Variants in STAG3 observed in about 807,000 individuals in gnomAD.
The protein encoded by STAG3 is STAG3 cohesin complex component.
Under a neutral mutation model 160.7 loss-of-function variants are expected in STAG3, and 101 were observed. The observed-to-expected ratio is 0.63, with a 90% CI of 0.54 to 0.74. The LOEUF is 0.74. STAG3 is among the 30% of genes least tolerant of loss of function. STAG3 has a pLI of 0.00. For synonymous variants in STAG3, 519 were observed against 585.0 expected (o/e 0.89, Z 1.63); for missense variants, 1,188 against 1,517.4 (o/e 0.78, Z 3.61).
rs765661190 is a variant in STAG3 at position 100,182,732 on chromosome 7, C to A, written c.229C>A (p.His77Asn). 3 of 1,613,516 alleles carry A rather than the reference C, an allele frequency of 1.9e-6. No individual in the cohort carries two copies. Among genetic ancestry groups the A allele is most frequent in the South Asian group, 2.2e-5 (2 of 91,036 alleles). The stretch of plus-strand genomic sequence containing the variant: ...TTTTTATACATATTAGGTGGCAAAA[C>A]ATCCAAAGAAAGGGTCCCGAGTGGT... ...RPPKTTPVAKHPKKGSRVVHR... is the reference protein window; with the variant it reads ...RPPKTTPVAKNPKKGSRVVHR... The change falls in exon 4 of 34, where the codon CAT (histidine) becomes AAT (asparagine). Residue 77 changes from histidine to asparagine, a missense_variant. Transcript: ENST00000615138.
At position 100,211,132 on chromosome 7, in the gene STAG3, G is replaced by A; in HGVS notation, c.3360G>A (p.Trp1120Ter). The A allele has an allele frequency of 6.2e-7, 1 of 1,607,316 alleles. No individual in the cohort carries two copies. The highest frequency in any genetic ancestry group is 8.5e-7 in the Non-Finnish European group (1 of 1,177,146). The change falls in exon 30 of 34, where the codon TGG becomes TGA. Residue 1120 changes from tryptophan to a stop codon, truncating the protein, a stop_gained. Transcript: ENST00000615138. LOFTEE classifies it high-confidence loss of function. Reference protein sequence around the residue: ...STAVKSRQPLWGLKEMEEEDG... With the variant: ...STAVKSRQPL Reference sequence around the variant, plus strand: ...CTGTGAAGAGCAGGCAGCCCCTGTGGGGGTTGAAAGAGATGGAGGAAGAAG... The same window carrying A: ...CTGTGAAGAGCAGGCAGCCCCTGTGAGGGTTGAAAGAGATGGAGGAAGAAG...
intron 29 of STAG3, 60 bp downstream of exon 29, chr7:100,205,444 C>T: frequency 1.3e-6 from 2 of 1,489,552 alleles, no homozygotes; most frequent in Non-Finnish European, 1.8e-6. Flanking sequence ...TGCCTGCAAA[C>T]TTATTTTGTC....
chr7:100,199,456 C>G, intron 15 of STAG3, 85 bp from the exon 16 acceptor site: 2 of 1,550,064 alleles, frequency 1.3e-6, no homozygotes, highest in Non-Finnish European at 1.8e-6. Context: ...TACAAGGCAG[C>G]AACGGTGGCA....
chr7:100,212,029 G>C, intron 32 of STAG3, 153 bp downstream of exon 32: 1 of 638,142 alleles, frequency 1.6e-6, no homozygotes, highest in Admixed American at 3.3e-5. Context: ...ATGTTGGTTT[G>C]GACTTTGCTT....
downstream of STAG3, among the ~76,000 whole-genome samples, chr7:100,217,360 C>T (rs1411857585): frequency 3.9e-5 from 6 of 152,204 alleles, no homozygotes; most frequent in Admixed American, 1.3e-4. Flanking sequence ...CCAGGCTGGA[C>T]GAGCTGAGGC....
At chr7:100,198,327 T>G in intron 12 of STAG3, 148 bp from the exon 13 acceptor site, 1 of 1,081,394 alleles carries the variant, frequency 9.2e-7, no homozygotes, top group East Asian at 2.4e-5. Context: ...CTTCTCTAAC[T>G]CCCCATACTC....
chr7:100,217,533 GAGAT>G (rs989551046), downstream of STAG3, among the ~76,000 whole-genome samples: 2 of 152,116 alleles, frequency 1.3e-5, no homozygotes, highest in Non-Finnish European at 2.9e-5. Flanking sequence ...ACAAGACAAA[GAGAT>G]AGAAGAAAAG....
intron 29 of STAG3, among the ~76,000 whole-genome samples, chr7:100,209,477 G>A (rs1237128286): frequency 6.6e-6 from 1 of 152,180 alleles, no homozygotes; most frequent in Non-Finnish European, 1.5e-5. Context: ...GGATCCCAGA[G>A]CATCTAAGGC....
At chr7:100,208,524 A>G (rs1801871414) in intron 29 of STAG3, among the ~76,000 whole-genome samples, 1 of 152,226 alleles carries the variant, frequency 6.6e-6, no homozygotes, top group Admixed American at 6.5e-5. Context: ...TTAAAAAATA[A>G]GTAAGATTTT....
intron 9 of STAG3, among the ~76,000 whole-genome samples, 151 bp from the exon 10 acceptor site, chr7:100,197,000 ATATAG>A (rs1282030837): frequency 6.6e-5 from 10 of 152,342 alleles, no homozygotes; most frequent in Admixed American, 5.2e-4. Flanking sequence ...TTTACTATAT[ATATAG>A]TATTTACATC....
At chr7:100,196,662 G>A (rs1026496192) in intron 9 of STAG3, among the ~76,000 whole-genome samples, 1 of 152,014 alleles carries the variant, frequency 6.6e-6, no homozygotes, top group Non-Finnish European at 1.5e-5. Flanking sequence ...GCGTGGTGGT[G>A]CACCTGTAAT....
intron 6 of STAG3, 121 bp downstream of exon 6, chr7:100,188,650 G>C: frequency 9.0e-7 from 1 of 1,110,216 alleles, no homozygotes; most frequent in Non-Finnish European, 1.4e-6. Context: ...CAGTCTCTTG[G>C]GGGTAAAAGA....
chr7:100,206,661 A>G (rs982978604), intron 29 of STAG3, among the ~76,000 whole-genome samples: 3 of 151,592 alleles, frequency 2.0e-5, no homozygotes, highest in Non-Finnish European at 4.4e-5. Flanking sequence ...TAGTAGAGAC[A>G]GGGTTTCACC....
rs763206398 is a variant in STAG3 at position 100,204,733 on chromosome 7, C to A, written c.2909C>A (p.Pro970His). 1 of 1,613,978 alleles carries A rather than the reference C, an allele frequency of 6.2e-7. No homozygotes were observed. The highest frequency in any genetic ancestry group is 8.5e-7 in the Non-Finnish European group (1 of 1,180,010). ...CGGAGGTTTGCCTTGAGTTTTGGAC[C>A]CCAGCAGCTGCAGAACCGTGACCTC... ...LARRFALSFGPQQLQNRDLVV... is the reference protein window; with the variant it reads ...LARRFALSFGHQQLQNRDLVV... Residue 970 changes from proline (P) to histidine (H), a missense_variant, in exon 27 of 34, where the codon CCC (proline) becomes CAC (histidine). Physicochemically the swap from Pro to His is moderately conservative, Grantham distance 77. This residue lies in a region of STAG3 where 647 missense variants were observed against 717.2 expected (regional missense o/e 0.90). Coordinates refer to ENST00000615138, the MANE Select transcript of STAG3 (RefSeq NM_001282717.2).
rs1224395843 is a variant in STAG3 at position 100,205,023 on chromosome 7, C to T, written c.2970C>T (p.Ser990=). 2.5e-6 allele frequency: 4 copies of T among 1,613,688 alleles called. No homozygotes were observed. Among genetic ancestry groups the T allele is most frequent in the Middle Eastern group, 1.6e-4 (1 of 6,084 alleles). Residue 990 remains serine (S), a synonymous_variant, in exon 28 of 34, where the codon TCC becomes TCT. Transcript: ENST00000615138. ...AACCAAGGGAAGGCATCCAGTTCTC[C>T]TTGTCTGAGCTTCCTCCAGCTGGCT... ...VMLHKEGIQF[S]LSELPPAGSS...
At chr7:100,213,944 G>A in intron 33 of STAG3, 63 bp from the exon 34 acceptor site, 1 of 1,613,794 alleles carries the variant, frequency 6.2e-7, no homozygotes, top group Non-Finnish European at 8.5e-7. Flanking sequence ...ACCCAGGGGA[G>A]GATGGTCTGC....
At chr7:100,189,631 T>A in intron 8 of STAG3, 35 bp downstream of exon 8, 1 of 1,592,796 alleles carries the variant, frequency 6.3e-7, no homozygotes, top group East Asian at 2.2e-5. Flanking sequence ...CTTCCCTTTT[T>A]CCCAACTTGC....
intron 12 of STAG3, 34 bp downstream of exon 12, chr7:100,198,200 A>G (rs748720917): frequency 2.1e-5 from 33 of 1,601,442 alleles, no homozygotes; most frequent in Non-Finnish European, 2.7e-5. Context: ...CCAGTGTCTC[A>G]GACCTTTGCC....
chr7:100,198,725 C>A, intron 13 of STAG3, 118 bp from the exon 14 acceptor site: 1 of 1,237,644 alleles, frequency 8.1e-7, no homozygotes, highest in Non-Finnish European at 1.2e-6. Context: ...TTGGGGCTTT[C>A]CTTAGCTCTC....
Sources: gnomAD v4.1 joint callset for allele counts (sites outside exome capture counted in the v4.1 genomes callset) on GRCh38, gnomAD v4.1.1 for gene constraint, gnomAD v4.1.1 regional missense constraint, MANE v1.5 for transcripts, NCBI Gene and HGNC (gene_info 2026-07-23, HGNC 2026-07-21) for gene names.